CCNJL: variants seen among roughly 807,000 people sequenced by gnomAD.
CCNJL encodes the protein cyclin J like.
CCNJL carries 33 observed loss-of-function variants against 33.4 expected under a neutral mutation model. The observed-to-expected ratio is 0.99, with a 90% CI of 0.75 to 1.32. The LOEUF is 1.32. Among genes scored for constraint, CCNJL ranks in the 40% most tolerant of loss-of-function variants. The pLI, the probability that CCNJL is intolerant of heterozygous loss-of-function variation, is 0.00. For missense variants in CCNJL, 512 were observed against 499.7 expected (o/e 1.02, Z -0.23); for synonymous variants, 227 against 220.9 (o/e 1.03, Z -0.24).
At chr5:160,270,526 G>A (rs769247887) in intron 3 of CCNJL, among the ~76,000 whole-genome samples, 3 of 151,824 alleles carry the variant, frequency 2.0e-5, no homozygotes, top group South Asian at 4.2e-4. Context: ...GCAGGGAGCC[G>A]TGATCATGCT....
In CCNJL at chr5:160,328,091, C is replaced by T. The variant is rs551384678; in HGVS notation, n.206+11354G>A. Among the ~76,000 whole-genome samples the T allele has an allele frequency of 1.2e-4, 19 of 152,148 alleles. No homozygotes were observed. The East Asian group carries it at 3.5e-3, about 28-fold the overall frequency. ...GTACAGAGGCTCACGCAGGAGTGCG[C>T]GTGGCATGTTAAAGAAGAGAAAGGG... On this transcript the variant is annotated intron_variant and non_coding_transcript_variant, in intron 1 of 7. Transcript: ENST00000377503.
At chr5:160,324,019 C>T (rs557423722) in intron 1 of CCNJL, among the ~76,000 whole-genome samples, 2 of 152,320 alleles carry the variant, frequency 1.3e-5, no homozygotes, top group East Asian at 3.9e-4. Context: ...CCTCAGACCT[C>T]ATGGGTCTCC....
At chr5:160,290,988 C>T (rs1428215803) in intron 2 of CCNJL, among the ~76,000 whole-genome samples, 5 of 129,606 alleles carry the variant, frequency 3.9e-5, no homozygotes, top group Non-Finnish European at 6.2e-5. Flanking sequence ...ACAGGAGGAT[C>T]GCTTGATGAG....
intron 1 of CCNJL, among the ~76,000 whole-genome samples, chr5:160,324,606 AAC>A (rs752874538): frequency 7.4e-5 from 10 of 134,730 alleles, no homozygotes; most frequent in Non-Finnish European, 1.4e-4. Context: ...AAAACACAAA[AAC>A]ACACACAAAA....
chr5:160,281,418 T>C (rs868000573), intron 2 of CCNJL: 2 of 154,762 alleles, frequency 1.3e-5, no homozygotes, highest in Non-Finnish European at 2.9e-5. Context: ...TTTCTAAAAG[T>C]AAGTTCAGAT....
At chr5:160,294,172 G>A (rs968687807) in intron 2 of CCNJL, among the ~76,000 whole-genome samples, 3 of 152,160 alleles carry the variant, frequency 2.0e-5, no homozygotes, top group Non-Finnish European at 4.4e-5. Flanking sequence ...TACACAGCAC[G>A]ACCTGGGAGG....
At chr5:160,310,697 A>G (rs1468911904) in intron 2 of CCNJL, among the ~76,000 whole-genome samples, 1 of 152,178 alleles carries the variant, frequency 6.6e-6, no homozygotes. Flanking sequence ...TGATGACATC[A>G]CATTGGATTA....
intron 1 of CCNJL, among the ~76,000 whole-genome samples, chr5:160,319,567 C>T (rs537852783): frequency 6.6e-5 from 10 of 152,194 alleles, no homozygotes; most frequent in Non-Finnish European, 1.5e-4. Flanking sequence ...GTATCTTTTC[C>T]GTATTTGTAT....
chr5:160,300,208 A>G (rs1762879638), intron 2 of CCNJL, among the ~76,000 whole-genome samples: 2 of 152,096 alleles, frequency 1.3e-5, no homozygotes, highest in Non-Finnish European at 1.5e-5. Flanking sequence ...GTGCCTCAGG[A>G]TGATTCAAAT....
chr5:160,333,354 G>A (rs1044651121), intron 1 of CCNJL, among the ~76,000 whole-genome samples: 1 of 151,922 alleles, frequency 6.6e-6, no homozygotes, highest in Non-Finnish European at 1.5e-5. Context: ...TTGATCTCCT[G>A]ACCTCGTTAT....
Position 160,253,475 on chromosome 5 carries a change from G to A in CCNJL, c.1067C>T (p.Ala356Val), listed in dbSNP as rs527440214. The A allele has an allele frequency of 2.2e-5, 36 of 1,613,958 alleles. No individual in the cohort carries two copies. The highest frequency in any genetic ancestry group is 2.1e-4 in the South Asian group (19 of 91,016). Reference sequence around the variant, plus strand: ...GCAGTGCCTGGGCTCAGCTGCAATGGCCATATGCATGCTAAGGGATGCAGG... The same window carrying A: ...GCAGTGCCTGGGCTCAGCTGCAATGACCATATGCATGCTAAGGGATGCAGG... ...PVPASLSMHM[A>V]IAAEPRHCLA... The change falls in exon 6 of 6, where the codon GCC becomes GTC. Residue 356 changes from alanine (A) to valine (V), a missense_variant. Physicochemically the swap from Ala to Val is moderately conservative, Grantham distance 64. Coordinates refer to ENST00000257536, the MANE Select transcript of CCNJL (RefSeq NM_001308173.3).
intron 2 of CCNJL, among the ~76,000 whole-genome samples, chr5:160,304,348 C>T (rs1054797920): frequency 1.3e-5 from 2 of 152,190 alleles, no homozygotes; most frequent in Non-Finnish European, 2.9e-5. Flanking sequence ...ACCTCATTTG[C>T]GGTTTTCAAT....
chr5:160,333,948 C>T (rs1763643785), intron 1 of CCNJL, among the ~76,000 whole-genome samples: 1 of 152,152 alleles, frequency 6.6e-6, no homozygotes, highest in Admixed American at 6.5e-5. Flanking sequence ...ATGATTCATC[C>T]AAGACCCAGG....
rs370849118 is a variant in CCNJL at position 160,259,452 on chromosome 5, C to A, written c.583+17G>T. 3.1e-6 allele frequency: 5 copies of A among 1,594,500 alleles called. No homozygotes were observed. Among genetic ancestry groups the A allele is most frequent in the Admixed American group, 1.7e-5 (1 of 59,166 alleles). On this transcript the variant is annotated intron_variant, in intron 4 of 5. Coordinates refer to ENST00000257536, the MANE Select transcript of CCNJL (RefSeq NM_001308173.3). ...GGGAAGGGGTGGGAGGTCCTGCCAT[C>A]GGGTCCCAGCTGTCACCTTGCAGGG...
intron 3 of CCNJL, among the ~76,000 whole-genome samples, chr5:160,277,744 G>GTT (rs57967385): frequency 0.036 from 4,505 of 125,140 alleles, 322 homozygotes; most frequent in African/African-American, 0.12. Context: ...CTGTCTATCT[G>GTT]TTTTTTTTTT....
rs146788244 is a variant in CCNJL at position 160,325,471 on chromosome 5, C to T, written n.207-9966G>A. 1.9e-3 allele frequency among the ~76,000 whole-genome samples: 294 copies of T among 152,232 alleles called. 2 individuals are homozygous for T. The highest frequency in any genetic ancestry group is 0.014 in the Admixed American group (209 of 15,282). On this transcript the variant is annotated intron_variant and non_coding_transcript_variant, in intron 1 of 7. Transcript: ENST00000377503. ...GCTTTTGCTGGGAATGTTACCACAT[C>T]CTAAATTTCGTATGGAAAAACTTTA...
upstream of CCNJL, among the ~76,000 whole-genome samples, chr5:160,316,234 TC>T (rs1432728410): frequency 6.6e-6 from 1 of 152,108 alleles, no homozygotes; most frequent in Admixed American, 6.5e-5. Context: ...GAATCACTTC[TC>T]CCATCCACCC....
intron 2 of CCNJL, among the ~76,000 whole-genome samples, chr5:160,293,670 A>G (rs1171489938): frequency 6.6e-6 from 1 of 152,114 alleles, no homozygotes; most frequent in East Asian, 1.9e-4. Context: ...TGCTATGTGC[A>G]TTTGCTATCT....
intron 3 of CCNJL, chr5:160,260,993 T>A (rs1015205087): frequency 3.3e-5 from 5 of 152,252 alleles, no homozygotes; most frequent in African/African-American, 1.2e-4. Flanking sequence ...ACTAAGTAAA[T>A]GCCAAAAGAG....
Sources: allele counts gnomAD v4.1 joint callset (sites outside exome capture counted in the v4.1 genomes callset), GRCh38; gene constraint gnomAD v4.1.1; transcripts MANE v1.5; gene names NCBI Gene and HGNC (gene_info 2026-07-23, HGNC 2026-07-21).